NUCB2: variants seen among roughly 807,000 people sequenced by gnomAD.
NUCB2 encodes nucleobindin-2.
A neutral mutation model predicts 57.9 loss-of-function variants in NUCB2; 48 were observed. The ratio of observed to expected loss-of-function variants is 0.83; its 90% CI spans 0.66 to 1.05. The LOEUF (loss-of-function observed/expected upper bound fraction) is 1.05, where lower values mean the gene tolerates loss of function less well. NUCB2 is among the 50% of genes least tolerant of loss of function. The pLI is 0.00. For synonymous variants in NUCB2, 139 were observed against 152.1 expected (o/e 0.91, Z 0.64); for missense variants, 442 against 476.2 (o/e 0.93, Z 0.67).
At chr11:17,277,267 A>G (rs214084) in intron 1 of NUCB2, among the ~76,000 whole-genome samples, 94,780 of 152,100 alleles carry the variant, frequency 0.62, 29,752 homozygotes, top group East Asian at 0.82. Flanking sequence ...TGGTTAAGCC[A>G]GCAACCTCTG....
intron 5 of NUCB2, among the ~76,000 whole-genome samples, chr11:17,307,619 A>G (rs1219626899): frequency 6.6e-6 from 1 of 151,800 alleles, no homozygotes; most frequent in Non-Finnish European, 1.5e-5. Flanking sequence ...CTCTCTTTTT[A>G]TTTTTTGTTT....
downstream of NUCB2, among the ~76,000 whole-genome samples, chr11:17,336,028 G>A (rs542815271): frequency 2.0e-5 from 3 of 152,204 alleles, no homozygotes; most frequent in East Asian, 1.9e-4. Flanking sequence ...CCTTATCCAC[G>A]GTGCTTGGGA....
intron 11 of NUCB2, among the ~76,000 whole-genome samples, chr11:17,316,036 G>A (rs531635768): frequency 1.1e-3 from 171 of 151,998 alleles, no homozygotes; most frequent in African/African-American, 3.9e-3. Context: ...GCAGTAGCGC[G>A]ACCTTGGCTC....
Position 17,311,025 on chromosome 11 carries a change from T to G in NUCB2, c.669+15T>G. 6.4e-7 allele frequency: 1 copy of G among 1,552,532 alleles called. No homozygotes were observed. Among genetic ancestry groups the G allele is most frequent in the Non-Finnish European group, 8.6e-7 (1 of 1,156,142 alleles). The stretch of plus-strand genomic sequence containing the variant: ...TTAATCACCCAGTAAGGATTGTGAC[T>G]TTATGAAACCATTTTTAGATAAAGA... On this transcript the variant is annotated intron_variant, in intron 7 of 13. Transcript: ENST00000529010.
In NUCB2 at chr11:17,330,921, A is replaced by C. The variant is rs944584500; in HGVS notation, c.1193A>C (p.Gln398Pro). The change falls in exon 13 of 14, where the codon CAA (glutamine) becomes CCA (proline). Residue 398 changes from glutamine (Q) to proline (P), a missense_variant. Gln to Pro is a moderately conservative substitution (Grantham distance 76). Transcript: ENST00000529010. The surrounding 1 kb of genome is among the most constrained non-coding windows in gnomAD (Gnocchi z 4.3). ...EYHQVIQQME[Q>P]KKLQQGIPPS... The stretch of plus-strand genomic sequence containing the variant: ...CACCAGGTCATACAGCAGATGGAAC[A>C]AAAAAAATTACAACAAGGAATTCCT... 6 of 1,578,204 alleles carry C rather than the reference A, an allele frequency of 3.8e-6. No individual in the cohort carries two copies. Among genetic ancestry groups the C allele is most frequent in the Middle Eastern group, 1.7e-4 (1 of 5,994 alleles).
intron 4 of NUCB2, among the ~76,000 whole-genome samples, chr11:17,299,250 G>T (rs10741725): frequency 0.53 from 80,480 of 151,908 alleles, 22,076 homozygotes; most frequent in East Asian, 0.82. Flanking sequence ...AAAACATATT[G>T]CTGTTTCCTA....
chr11:17,348,934 C>T (rs1372799700), intron 2 of NUCB2, among the ~76,000 whole-genome samples: 1 of 152,114 alleles, frequency 6.6e-6, no homozygotes, highest in East Asian at 1.9e-4. Flanking sequence ...CGTCTGCCAC[C>T]ACACCTGGCT....
chr11:17,317,302 G>A (rs1949381563), intron 11 of NUCB2, among the ~76,000 whole-genome samples: 2 of 151,844 alleles, frequency 1.3e-5, no homozygotes. Flanking sequence ...TATATGTTAT[G>A]TATATATATA....
intron 1 of NUCB2, among the ~76,000 whole-genome samples, chr11:17,280,452 G>T (rs944491705): frequency 1.3e-5 from 2 of 152,168 alleles, no homozygotes; most frequent in Non-Finnish European, 2.9e-5. Context: ...TGAGCACCAG[G>T]TTATCTGTGG....
intron 5 of NUCB2, among the ~76,000 whole-genome samples, chr11:17,305,367 T>C (rs1447597175): frequency 6.6e-6 from 1 of 151,996 alleles, no homozygotes; most frequent in African/African-American, 2.4e-5. Flanking sequence ...AAAACTTAGA[T>C]ACCTCTGAAA....
At chr11:17,345,724 C>A (rs1332209065) in intron 2 of NUCB2, among the ~76,000 whole-genome samples, 2 of 152,026 alleles carry the variant, frequency 1.3e-5, no homozygotes, top group Non-Finnish European at 1.5e-5. Flanking sequence ...AGAAAAGTAA[C>A]CTTTTATAAA....
intron 11 of NUCB2, among the ~76,000 whole-genome samples, chr11:17,316,462 C>T (rs999849729): frequency 2.0e-5 from 3 of 152,102 alleles, no homozygotes; most frequent in Non-Finnish European, 4.4e-5. Flanking sequence ...TCCATTTCTC[C>T]AAATTTAGAC....
chr11:17,349,070 G>A (rs570747529), intron 2 of NUCB2, among the ~76,000 whole-genome samples: 32 of 152,038 alleles, frequency 2.1e-4, no homozygotes, highest in African/African-American at 4.1e-4. Context: ...GTGAGCCACC[G>A]CGCCCAGCAG....
chr11:17,318,264 G>A (rs952494164), intron 11 of NUCB2, among the ~76,000 whole-genome samples: 1 of 151,656 alleles, frequency 6.6e-6, no homozygotes, highest in Non-Finnish European at 1.5e-5. Context: ...CAATCTGCCT[G>A]CCTTGGCCTC....
At chr11:17,287,908 G>C (rs1025000106) in intron 2 of NUCB2, among the ~76,000 whole-genome samples, 6 of 152,034 alleles carry the variant, frequency 3.9e-5, no homozygotes, top group Non-Finnish European at 8.8e-5. Context: ...GCTGAGGCAG[G>C]AATCGCTTGA....
At chr11:17,285,930 T>A (rs898637334) in intron 2 of NUCB2, among the ~76,000 whole-genome samples, 2 of 134,460 alleles carry the variant, frequency 1.5e-5, no homozygotes, top group Admixed American at 7.1e-5. Context: ...CGCGCACGTG[T>A]GCGTACACAC....
chr11:17,345,491 G>A lies in NUCB2; in HGVS notation n.2627-3854G>A, dbSNP rs553206943. The stretch of plus-strand genomic sequence containing the variant: ...TGGGAGGCCAAGGCGGGTGGATCAC[G>A]AGGTCAGGTGTTAAAGACCAGCCTG... On this transcript the variant is annotated intron_variant and non_coding_transcript_variant, in intron 2 of 2. Coordinates refer to the NUCB2 transcript ENST00000532240. 7.2e-5 allele frequency among the ~76,000 whole-genome samples: 11 copies of A among 152,200 alleles called. No individual in the cohort carries two copies. In the East Asian group the frequency reaches 2.1e-3, roughly 29 times the overall value.
chr11:17,340,131 T>G (rs1952132639), intron 2 of NUCB2, among the ~76,000 whole-genome samples: 1 of 152,246 alleles, frequency 6.6e-6, no homozygotes, highest in African/African-American at 2.4e-5. Context: ...TCATGTGTCT[T>G]TTGGCTGCAT....
intron 4 of NUCB2, among the ~76,000 whole-genome samples, chr11:17,298,941 C>A (rs920945085): frequency 1.1e-4 from 17 of 152,194 alleles, no homozygotes; most frequent in African/African-American, 4.1e-4. Context: ...TCAAATGATC[C>A]CCCTGCCTTG....
Sources: gnomAD v4.1 joint callset for allele counts (sites outside exome capture counted in the v4.1 genomes callset) on GRCh38, gnomAD v4.1.1 for gene constraint, Gnocchi (gnomAD v3.1) non-coding constraint, MANE v1.5 for transcripts, NCBI Gene and HGNC (gene_info 2026-07-23, HGNC 2026-07-21) for gene names.